The following RNF111 variants were observed in gnomAD, a reference collection of about 807,000 sequenced individuals.
The protein encoded by RNF111 is E3 ubiquitin-protein ligase Arkadia.
A neutral mutation model predicts 95.1 loss-of-function variants in RNF111; 17 were observed. The ratio of observed to expected loss-of-function variants is 0.18; its 90% CI spans 0.12 to 0.27. The LOEUF is 0.27. RNF111 is among the 10% of genes least tolerant of loss of function. RNF111 has a pLI of 1.00. For synonymous variants in RNF111, 440 were observed against 414.8 expected, an observed-to-expected ratio of 1.06 and a Z score of -0.74; for missense variants, 1,189 against 1,210.4, an observed-to-expected ratio of 0.98 and a Z score of 0.26.
intron 5 of RNF111, chr15:59,058,830 A>T (rs1206134846): frequency 5.2e-6 from 2 of 381,918 alleles, no homozygotes; most frequent in Non-Finnish European, 9.7e-6. Flanking sequence ...GCAAAAGTAG[A>T]TAAGTTGGAC....
intron 10 of RNF111, 37 bp from the exon 11 acceptor site, chr15:59,089,630 T>A: frequency 6.8e-7 from 1 of 1,464,256 alleles, no homozygotes; most frequent in Non-Finnish European, 9.6e-7. Flanking sequence ...AAGTCTATTC[T>A]TAAAATTGAT....
At chr15:58,997,479 G>C (rs1472610018) in intron 1 of RNF111, among the ~76,000 whole-genome samples, 1 of 150,672 alleles carries the variant, frequency 6.6e-6, no homozygotes, top group Non-Finnish European at 1.5e-5. Context: ...AACTGCATTA[G>C]TAATCACTAT....
chr15:59,060,206 G>T (rs2042373692), intron 5 of RNF111, among the ~76,000 whole-genome samples: 1 of 151,924 alleles, frequency 6.6e-6, no homozygotes, highest in African/African-American at 2.4e-5. Flanking sequence ...AAAAAATGTA[G>T]GCAGAAATGA....
At chr15:58,990,881 T>TA (rs139591059) in intron 1 of RNF111, among the ~76,000 whole-genome samples, 1 of 152,192 alleles carries the variant, frequency 6.6e-6, no homozygotes, top group Non-Finnish European at 1.5e-5. Context: ...TTGAATGTCT[T>TA]ATACCTCTGT....
intron 1 of RNF111, among the ~76,000 whole-genome samples, chr15:59,010,473 C>T (rs1039266454): frequency 4.6e-5 from 7 of 151,998 alleles, no homozygotes; most frequent in African/African-American, 1.7e-4. Flanking sequence ...GTGATCTCAG[C>T]TCACTCCAAC....
At chr15:59,072,939 A>G (rs1002974926) in intron 6 of RNF111, among the ~76,000 whole-genome samples, 3 of 151,810 alleles carry the variant, frequency 2.0e-5, no homozygotes, top group South Asian at 2.1e-4. Flanking sequence ...TTTGCTCCCA[A>G]CACTTTGTGG....
At chr15:59,073,021 A>G (rs1406327012) in intron 6 of RNF111, among the ~76,000 whole-genome samples, 1 of 151,998 alleles carries the variant, frequency 6.6e-6, no homozygotes, top group African/African-American at 2.4e-5. Flanking sequence ...AAAATCTAAA[A>G]ATTAGCTGGG....
At chr15:59,031,746 G>A (rs767093264) in intron 2 of RNF111, 44 bp downstream of exon 2, 1 of 1,528,402 alleles carries the variant, frequency 6.5e-7, no homozygotes, top group South Asian at 1.2e-5. Flanking sequence ...CTATTGCATT[G>A]CATTTGTGCT....
At chr15:59,068,987 TCGA>T (rs1489280674) in intron 6 of RNF111, among the ~76,000 whole-genome samples, 2 of 147,662 alleles carry the variant, frequency 1.4e-5, no homozygotes, top group African/African-American at 5.0e-5. Context: ...GGCAGGAGAA[TCGA>T]TTGAACGTGG....
chr15:58,998,124 C>T (rs1464615521), intron 1 of RNF111, among the ~76,000 whole-genome samples: 1 of 151,778 alleles, frequency 6.6e-6, no homozygotes, highest in Admixed American at 6.6e-5. Flanking sequence ...AGGCTGGTCT[C>T]GATCTCCTGA....
intron 1 of RNF111, among the ~76,000 whole-genome samples, chr15:59,022,688 A>G (rs908532439): frequency 3.3e-5 from 5 of 152,188 alleles, no homozygotes; most frequent in African/African-American, 1.2e-4. Flanking sequence ...CTCCATATAA[A>G]TCATTCTTCC....
chr15:59,017,824 C>G (rs1468918085), intron 1 of RNF111, among the ~76,000 whole-genome samples: 1 of 138,574 alleles, frequency 7.2e-6, no homozygotes, highest in Non-Finnish European at 1.5e-5. Flanking sequence ...ATGGCACAAT[C>G]TCGGCTCTCT....
intron 13 of RNF111, among the ~76,000 whole-genome samples, chr15:59,093,060 T>G (rs972195066): frequency 6.6e-6 from 1 of 152,200 alleles, no homozygotes; most frequent in Admixed American, 6.5e-5. Flanking sequence ...TGGCATATAC[T>G]GTTACCAATT....
At chr15:59,093,296 C>T (rs1400564016) in intron 13 of RNF111, 1 of 370,314 alleles carries the variant, frequency 2.7e-6, no homozygotes, top group Non-Finnish European at 5.1e-6. Flanking sequence ...AAAACTTAAA[C>T]AGGGATCCAG....
At chr15:58,993,647 A>T (rs2038918086) in intron 1 of RNF111, among the ~76,000 whole-genome samples, 1 of 152,224 alleles carries the variant, frequency 6.6e-6, no homozygotes. Flanking sequence ...GTATTTATTC[A>T]ACAAACAGGA....
chr15:59,066,839 G>C lies in RNF111; in HGVS notation c.1442G>C (p.Cys481Ser). 8 of 1,613,986 alleles carry C rather than the reference G, an allele frequency of 5.0e-6. No homozygotes were observed. The highest frequency in any genetic ancestry group is 6.8e-6 in the Non-Finnish European group (8 of 1,180,004). Residue 481 changes from cysteine to serine, a missense_variant, in exon 6 of 14, where the codon TGT (cysteine) becomes TCT (serine). Physicochemically the swap from Cys to Ser is moderately radical, Grantham distance 112 (BLOSUM62 -1). Around this residue, in one of 2 missense-constraint regions of RNF111, gnomAD observed 1,024 missense variants for 925.9 expected, o/e 1.11. Transcript: ENST00000348370. ...PPAMPRLPSC[C>S]PQHSPCGGSS... ...GCAATGCCAAGGTTACCTTCCTGCT[G>C]TCCCCAGCACTCACCATGTGGAGGG...
chr15:59,021,774 A>G (rs1295590145), intron 1 of RNF111, among the ~76,000 whole-genome samples: 1 of 152,186 alleles, frequency 6.6e-6, no homozygotes, highest in Non-Finnish European at 1.5e-5. Flanking sequence ...CTCAGTATTC[A>G]TTGAATATTT....
intron 2 of RNF111, among the ~76,000 whole-genome samples, chr15:59,041,256 C>G (rs748900024): frequency 5.9e-5 from 9 of 152,076 alleles, no homozygotes; most frequent in Non-Finnish European, 1.3e-4. Flanking sequence ...AATAGCACTG[C>G]AATAAATAGC....
intron 1 of RNF111, among the ~76,000 whole-genome samples, chr15:58,997,155 G>A (rs1000171414): frequency 1.1e-4 from 17 of 151,964 alleles, no homozygotes; most frequent in Admixed American, 5.2e-4. Context: ...AGAATGTACA[G>A]GGAAAAAAAA....
Sources: allele counts gnomAD v4.1 joint callset (sites outside exome capture counted in the v4.1 genomes callset), GRCh38; gene constraint gnomAD v4.1.1; regional missense constraint gnomAD v4.1.1; transcripts MANE v1.5; gene names NCBI Gene and HGNC (gene_info 2026-07-23, HGNC 2026-07-21).